PCDHB13: variants seen among roughly 807,000 people sequenced by gnomAD.
PCDHB13 encodes protocadherin beta 13, also known as protocadherin beta-13.
For synonymous variants in PCDHB13, 515 were observed against 450.7 expected (o/e 1.14, Z -1.81); for missense variants, 1,065 against 1,016.7 (o/e 1.05, Z -0.65).
rs1393699000 is a variant in PCDHB13 at position 141,216,050 on chromosome 5, C to G, written c.1927C>G (p.Leu643Val). The stretch of plus-strand genomic sequence containing the variant: ...CGCGGCCAAGCACAGGCTGGTGGTG[C>G]TGGTCAAGGACAATGGCGAGCCTCC... ...RDAAKHRLVV[L>V]VKDNGEPPRS... The change falls in exon 1 of 1, where the codon CTG (leucine) becomes GTG (valine). Residue 643 changes from leucine (L) to valine (V), a missense_variant. By Grantham distance (32) the Leu-to-Val change is conservative. Transcript: ENST00000341948. 16 of 1,606,436 alleles carry G rather than the reference C, an allele frequency of 1.0e-5. No individual in the cohort carries two copies. The Admixed American group carries it at 1.8e-4, about 18-fold the overall frequency.
rs782043278 is a variant in PCDHB13 at position 141,214,699 on chromosome 5, C to A, written c.576C>A (p.Tyr192Ter). 2 of 1,614,052 alleles carry A rather than the reference C, an allele frequency of 1.2e-6. No individual in the cohort carries two copies. ...GCAAACGCAGTGATGGCAGGAAATA[C>A]CCAGAGCTGGTGCTGGACAAAGCGC... ...LTRKRSDGRK[Y>*]PELVLDKALD... The change falls in exon 1 of 1, where the codon TAC becomes TAA. Residue 192 changes from tyrosine to a stop codon, truncating the protein, a stop_gained. Transcript: ENST00000341948. LOFTEE classifies it low-confidence loss of function (END_TRUNC).
At position 141,216,602 on chromosome 5, in the gene PCDHB13, A is replaced by T. The variant is rs1237179830; in HGVS notation, c.*82A>T. On this transcript the variant is annotated 3_prime_UTR_variant, in exon 1 of 1. Coordinates refer to ENST00000341948, the MANE Select transcript of PCDHB13 (RefSeq NM_018933.4). The stretch of plus-strand genomic sequence containing the variant: ...TGTTTATTTCCCCCAATTTGTGTGT[A>T]TGTAATATTGTACGGATTTACTCTT... The T allele has an allele frequency of 8.6e-7, 1 of 1,159,606 alleles. No homozygotes were observed. Among genetic ancestry groups the T allele is most frequent in the Non-Finnish European group, 1.3e-6 (1 of 765,070 alleles). 71.8% of individuals were successfully genotyped at this position (1,159,606 alleles called of 1,614,324 possible).
rs1374016958 is a variant in PCDHB13 at position 141,216,170 on chromosome 5, G to T, written c.2047G>T (p.Ala683Ser). The change falls in exon 1 of 1, where the codon GCC becomes TCC. Residue 683 changes from alanine to serine, a missense_variant. Physicochemically the swap from Ala to Ser is moderately conservative, Grantham distance 99 (BLOSUM62 1). Transcript: ENST00000341948. The stretch of plus-strand genomic sequence containing the variant: ...GGAGGCGGCCCCGACCCAGGCCCAG[G>T]CCGACTTGCTCACCGTCTACCTGGT... ...LPEAAPTQAQ[A>S]DLLTVYLVVA... 1.9e-6 allele frequency: 3 copies of T among 1,612,126 alleles called. No individual in the cohort carries two copies. In the African/African-American group the frequency reaches 4.0e-5, roughly 22 times the overall value.
Position 141,218,092 on chromosome 5 carries a change from G to A in PCDHB13, c.*1572G>A, listed in dbSNP as rs1245680813. On this transcript the variant is annotated 3_prime_UTR_variant, in exon 1 of 1. Coordinates refer to ENST00000341948, the MANE Select transcript of PCDHB13 (RefSeq NM_018933.4). The stretch of plus-strand genomic sequence containing the variant: ...AGCCTCCCTAGTACCCAGGACTACA[G>A]GCCCAGGCCACCACACCCACTAATT... 6.5e-6 allele frequency: 1 copy of A among 154,218 alleles called. No individual in the cohort carries two copies. Among genetic ancestry groups the A allele is most frequent in the Non-Finnish European group, 1.5e-5 (1 of 68,234 alleles). The allele number at this position is 154,218 out of a possible 1,614,324, so 9.6% of individuals were successfully genotyped here.
In PCDHB13 at chr5:141,214,870, A is replaced by G. The variant is rs17844607; in HGVS notation, c.747A>G (p.Arg249=). The change falls in exon 1 of 1, where the codon AGA becomes AGG. Residue 249 remains arginine, a synonymous_variant. Transcript: ENST00000341948. ...CTGAATTTGAGCAGCCTTTCTATAGAGTGCAGATCTCTGAGGACAGTCCGG... is the reference window on the plus strand; with the variant it reads ...CTGAATTTGAGCAGCCTTTCTATAGGGTGCAGATCTCTGAGGACAGTCCGG... ...NAPEFEQPFY[R]VQISEDSPVG... 67,517 of 1,161,026 alleles carry G rather than the reference A, an allele frequency of 0.058. No individual in the cohort carries two copies. Among genetic ancestry groups the G allele is most frequent in the East Asian group, 0.25 (5,856 of 23,344 alleles). The allele number at this position is 1,161,026 out of a possible 1,614,324, so 71.9% of individuals were successfully genotyped here. A position where few individuals can be genotyped will look rare whatever the true frequency, so the allele number is the denominator to read the frequency against.
rs782183829 is a variant in PCDHB13, at chr5:141,217,047, G to A, written c.*527G>A. ...GATACAACTCTAAGTGTTATCACTT[G>A]ATTCGAAAGGGTCAGAAGACCAGTT... On this transcript the variant is annotated 3_prime_UTR_variant, in exon 1 of 1. Coordinates refer to ENST00000341948, the MANE Select transcript of PCDHB13 (RefSeq NM_018933.4). 1 of 190,648 alleles carries A rather than the reference G, an allele frequency of 5.2e-6. No homozygotes were observed. Among genetic ancestry groups the A allele is most frequent in the South Asian group, 1.4e-4 (1 of 6,914 alleles). 11.8% of individuals were successfully genotyped at this position (190,648 alleles called of 1,614,324 possible). A position where few individuals can be genotyped will look rare whatever the true frequency, so the allele number is the denominator to read the frequency against.
At position 141,216,134 on chromosome 5, in the gene PCDHB13, C is replaced by T; in HGVS notation, c.2011C>T (p.Leu671=). 1 of 1,610,734 alleles carries T rather than the reference C, an allele frequency of 6.2e-7. No homozygotes were observed. The highest frequency in any genetic ancestry group is 1.3e-5 in the African/African-American group (1 of 75,038). Reference sequence around the variant, plus strand: ...GGTGGACGGCTTCTCCCAGCCCTACCTGCCTCTCCCGGAGGCGGCCCCGAC... The same window carrying T: ...GGTGGACGGCTTCTCCCAGCCCTACTTGCCTCTCCCGGAGGCGGCCCCGAC... The part of the protein sequence containing the change: ...LLVDGFSQPY[L]PLPEAAPTQA... Residue 671 remains leucine (L), a synonymous_variant, in exon 1 of 1, where the codon CTG becomes TTG. Transcript: ENST00000341948.
At position 141,215,057 on chromosome 5, in the gene PCDHB13, A is replaced by G. The variant is rs781954685; in HGVS notation, c.934A>G (p.Lys312Glu). 4 of 1,614,200 alleles carry G rather than the reference A, an allele frequency of 2.5e-6. No individual in the cohort carries two copies. The highest frequency in any genetic ancestry group is 3.4e-6 in the Non-Finnish European group (4 of 1,180,034). Residue 312 changes from lysine to glutamate, a missense_variant, in exon 1 of 1, where the codon AAA becomes GAA. Physicochemically the swap from Lys to Glu is moderately conservative, Grantham distance 56 (BLOSUM62 1). Transcript: ENST00000341948. ...ACTAAAAAAACAACTCGATTTCGAA[A>G]AACTTCAGTCCTATGAAGTCAATAT... ...IELKKQLDFE[K>E]LQSYEVNIEA...
rs1435537924 is a variant in PCDHB13 at position 141,216,126 on chromosome 5, A to T, written c.2003A>T (p.Gln668Leu). The change falls in exon 1 of 1, where the codon CAG becomes CTG. Residue 668 changes from glutamine (Q) to leucine (L), a missense_variant. Coordinates refer to ENST00000341948, the MANE Select transcript of PCDHB13 (RefSeq NM_018933.4). ...LHVLLVDGFS[Q>L]PYLPLPEAAP... is the part of the protein sequence containing the mutation. ...GTGCTCCTGGTGGACGGCTTCTCCC[A>T]GCCCTACCTGCCTCTCCCGGAGGCG... The T allele has an allele frequency of 1.9e-6, 3 of 1,609,972 alleles. No individual in the cohort carries two copies. Among genetic ancestry groups the T allele is most frequent in the Non-Finnish European group, 2.5e-6 (3 of 1,179,766 alleles).
chr5:141,215,786 A>G lies in PCDHB13; in HGVS notation c.1663A>G (p.Asn555Asp). 1 of 1,611,674 alleles carries G rather than the reference A, an allele frequency of 6.2e-7. No homozygotes were observed. Among genetic ancestry groups the G allele is most frequent in the Non-Finnish European group, 8.5e-7 (1 of 1,179,692 alleles). Residue 555 changes from asparagine (N) to aspartate (D), a missense_variant, in exon 1 of 1, where the codon AAC (asparagine) becomes GAC (aspartate). Physicochemically the swap from Asn to Asp is conservative, Grantham distance 23 (BLOSUM62 1). Coordinates refer to ENST00000341948, the MANE Select transcript of PCDHB13 (RefSeq NM_018933.4). ...ALVRVVVLDA[N>D]DNSPFVLYPL... ...GGTGCGCGTGGTGGTGCTGGACGCC[A>G]ACGACAACTCGCCCTTCGTGCTGTA...
rs782797296 is a variant in PCDHB13 at position 141,216,155 on chromosome 5, C to G, written c.2032C>G (p.Pro678Ala). ...QPYLPLPEAA[P>A]TQAQADLLTV... ...CTACCTGCCTCTCCCGGAGGCGGCC[C>G]CGACCCAGGCCCAGGCCGACTTGCT... is the stretch of plus-strand genomic sequence containing the variant. Residue 678 changes from proline to alanine, a missense_variant, in exon 1 of 1, where the codon CCG becomes GCG. Coordinates refer to ENST00000341948, the MANE Select transcript of PCDHB13 (RefSeq NM_018933.4). 1.9e-6 allele frequency: 3 copies of G among 1,611,694 alleles called. No individual in the cohort carries two copies. In the South Asian group the frequency reaches 3.3e-5, roughly 18 times the overall value.
Position 141,215,672 on chromosome 5 carries a change from A to G in PCDHB13, c.1549A>G (p.Arg517Gly). 3 of 1,613,274 alleles carry G rather than the reference A, an allele frequency of 1.9e-6. No homozygotes were observed. Among genetic ancestry groups the G allele is most frequent in the Non-Finnish European group, 1.7e-6 (2 of 1,179,994 alleles). ...NADNGHLFAL[R>G]SLDYEALQGF... is the part of the protein sequence containing the mutation. ...GGACAACGGCCACCTGTTCGCCCTC[A>G]GGTCTCTGGACTACGAGGCCCTGCA... is the stretch of plus-strand genomic sequence containing the variant. Residue 517 changes from arginine to glycine, a missense_variant, in exon 1 of 1, where the codon AGG (arginine) becomes GGG (glycine). By Grantham distance (125) the Arg-to-Gly change is moderately radical. Coordinates refer to ENST00000341948, the MANE Select transcript of PCDHB13 (RefSeq NM_018933.4).
In PCDHB13 at chr5:141,218,219, GA is replaced by G. The variant is rs1563992521; in HGVS notation, c.*1700del. 6.0e-6 allele frequency: 1 copy of G among 165,948 alleles called. No homozygotes were observed. The highest frequency in any genetic ancestry group is 1.5e-5 in the Non-Finnish European group (1 of 68,200). The allele number at this position is 165,948 out of a possible 1,614,324, so 10.3% of individuals were successfully genotyped here. On this transcript the variant is annotated 3_prime_UTR_variant, in exon 1 of 1. Coordinates refer to ENST00000341948, the MANE Select transcript of PCDHB13 (RefSeq NM_018933.4). ...CTGCCTCAGCCTCCCAAAGTGCTATGATTACAGGTATGAGCACCTGGCCTCA... is the reference window on the plus strand; with the variant it reads ...CTGCCTCAGCCTCCCAAAGTGCTATGTTACAGGTATGAGCACCTGGCCTCA...
chr5:141,216,575 A>AC lies in PCDHB13; in HGVS notation c.*55_*56insC. 2 of 1,388,292 alleles carry AC rather than the reference A, an allele frequency of 1.4e-6. No individual in the cohort carries two copies. The highest frequency in any genetic ancestry group is 2.1e-6 in the Non-Finnish European group (2 of 973,872). 86.0% of individuals were successfully genotyped at this position (1,388,292 alleles called of 1,614,324 possible). On this transcript the variant is annotated 3_prime_UTR_variant, in exon 1 of 1. Transcript: ENST00000341948. ...TTTTATTTTGTGGCATTTCCATGCC[A>AC]ATGTTTATTTCCCCCAATTTGTGTG...
In PCDHB13 at chr5:141,216,328, T is replaced by G. The variant is rs781929169; in HGVS notation, c.2205T>G (p.His735Gln). ...TGCCCGAGGGCCCCCTTCCAGGGCA[T>G]CTTGTGGACATGAGCGGCACCAGGA... ...CLVPEGPLPG[H>Q]LVDMSGTRTL... Residue 735 changes from histidine to glutamine, a missense_variant, in exon 1 of 1, where the codon CAT (histidine) becomes CAG (glutamine). His to Gln is a conservative substitution (Grantham distance 24). Transcript: ENST00000341948. 3 of 1,614,104 alleles carry G rather than the reference T, an allele frequency of 1.9e-6. No homozygotes were observed. In the South Asian group the frequency reaches 3.3e-5, roughly 18 times the overall value.
In PCDHB13 at chr5:141,216,130, C is replaced by T; in HGVS notation, c.2007C>T (p.Pro669=). ...TCCTGGTGGACGGCTTCTCCCAGCC[C>T]TACCTGCCTCTCCCGGAGGCGGCCC... is the stretch of plus-strand genomic sequence containing the variant. The part of the protein sequence containing the change: ...HVLLVDGFSQ[P]YLPLPEAAPT... Residue 669 remains proline (P), a synonymous_variant, in exon 1 of 1, where the codon CCC becomes CCT. Transcript: ENST00000341948. 1 of 1,610,382 alleles carries T rather than the reference C, an allele frequency of 6.2e-7. No individual in the cohort carries two copies. Among genetic ancestry groups the T allele is most frequent in the South Asian group, 1.1e-5 (1 of 91,010 alleles).
In PCDHB13 at chr5:141,215,992, G is replaced by A. The variant is rs1167015549; in HGVS notation, c.1869G>A (p.Glu623=). Residue 623 remains glutamate, a synonymous_variant, in exon 1 of 1, where the codon GAG becomes GAA. Coordinates refer to ENST00000341948, the MANE Select transcript of PCDHB13 (RefSeq NM_018933.4). ...GLFGVWAHNG[E]VRTARLLSER... ...TCGGCGTGTGGGCGCACAATGGCGA[G>A]GTGCGCACCGCCAGGCTGCTGAGCG... 1.4e-5 allele frequency: 22 copies of A among 1,606,884 alleles called. No homozygotes were observed. The highest frequency in any genetic ancestry group is 2.7e-5 in the African/African-American group (2 of 74,870).
chr5:141,216,545 A>G lies in PCDHB13; in HGVS notation c.*25A>G, dbSNP rs1554288225. Reference sequence around the variant, plus strand: ...ACCATAGTTGACTTTTACATTCCATAGGTATTTTATTTTGTGGCATTTCCA... The same window carrying G: ...ACCATAGTTGACTTTTACATTCCATGGGTATTTTATTTTGTGGCATTTCCA... On this transcript the variant is annotated 3_prime_UTR_variant, in exon 1 of 1. Coordinates refer to ENST00000341948, the MANE Select transcript of PCDHB13 (RefSeq NM_018933.4). 1.3e-6 allele frequency: 2 copies of G among 1,560,884 alleles called. No individual in the cohort carries two copies. The highest frequency in any genetic ancestry group is 1.7e-5 in the Admixed American group (1 of 59,904).
Position 141,215,413 on chromosome 5 carries a change from G to A in PCDHB13, c.1290G>A (p.Met430Ile). 6.2e-7 allele frequency: 1 copy of A among 1,614,192 alleles called. No homozygotes were observed. Among genetic ancestry groups the A allele is most frequent in the Non-Finnish European group, 8.5e-7 (1 of 1,180,038 alleles). The change falls in exon 1 of 1, where the codon ATG (methionine) becomes ATA (isoleucine). Residue 430 changes from methionine to isoleucine, a missense_variant. Met to Ile is a conservative substitution (Grantham distance 10). Coordinates refer to ENST00000341948, the MANE Select transcript of PCDHB13 (RefSeq NM_018933.4). ...CTGTCACTGACTTGGGGACCCCTAT[G>A]CTGATAACACAGCTCAATATGACCG... ...TITVTDLGTPMLITQLNMTVL... is the reference protein window; with the variant it reads ...TITVTDLGTPILITQLNMTVL...
Sources: allele counts gnomAD v4.1 joint callset, GRCh38; gene constraint gnomAD v4.1.1; transcripts MANE v1.5; gene names NCBI Gene and HGNC (gene_info 2026-07-23, HGNC 2026-07-21).